Variants in PIWIL4 observed in about 807,000 individuals in gnomAD.
The protein encoded by PIWIL4 is piwi-like protein 4.
PIWIL4 carries 50 observed loss-of-function variants against 100.9 expected under a neutral mutation model. The ratio of observed to expected loss-of-function variants is 0.50; its 90% CI spans 0.39 to 0.63. The LOEUF (loss-of-function observed/expected upper bound fraction) is 0.63. PIWIL4 is among the 20% of genes least tolerant of loss of function. The pLI is 0.00. For synonymous variants in PIWIL4, 342 were observed against 367.5 expected (o/e 0.93, Z 0.79); for missense variants, 887 against 1,043.3 (o/e 0.85, Z 2.06).
chr11:94,607,787 T>G (rs1948740090), intron 14 of PIWIL4, 148 bp downstream of exon 14: 1 of 816,970 alleles, frequency 1.2e-6, no homozygotes, highest in Non-Finnish European at 1.9e-6. Flanking sequence ...CATAAGCCAT[T>G]GTGAATCTCC....
intron 4 of PIWIL4, among the ~76,000 whole-genome samples, chr11:94,578,703 T>C (rs954841011): frequency 6.6e-6 from 1 of 152,214 alleles, no homozygotes; most frequent in African/African-American, 2.4e-5. Flanking sequence ...TCTGACAGGG[T>C]CTCTGTTCAA....
chr11:94,608,440 T>A, intron 14 of PIWIL4, 143 bp from the exon 15 acceptor site: 1 of 630,092 alleles, frequency 1.6e-6, no homozygotes, highest in Non-Finnish European at 2.8e-6. Flanking sequence ...ATAATCTGGC[T>A]CACGGATCTC....
At chr11:94,595,221 A>C (rs1948540525) in intron 9 of PIWIL4, 88 bp from the exon 10 acceptor site, 4 of 1,008,886 alleles carry the variant, frequency 4.0e-6, no homozygotes, top group Non-Finnish European at 6.1e-6. Context: ...TGGTGAATGC[A>C]TTCAAGTGGA....
At chr11:94,616,204 G>A (rs1200556408) in intron 15 of PIWIL4, among the ~76,000 whole-genome samples, 1 of 152,182 alleles carries the variant, frequency 6.6e-6, no homozygotes, top group Non-Finnish European at 1.5e-5. Flanking sequence ...TGGTACAGAT[G>A]AGGAAACTGA....
chr11:94,577,103 C>T (rs1948247808), intron 3 of PIWIL4, among the ~76,000 whole-genome samples, 175 bp from the exon 4 acceptor site: 1 of 152,212 alleles, frequency 6.6e-6, no homozygotes, highest in South Asian at 2.1e-4. Context: ...CCCATTTTAG[C>T]TCCCAAAGGT....
intron 15 of PIWIL4, among the ~76,000 whole-genome samples, chr11:94,611,780 T>C (rs1948789812): frequency 6.6e-6 from 1 of 152,226 alleles, no homozygotes; most frequent in Admixed American, 6.5e-5. Flanking sequence ...CCTTTGCCTT[T>C]CATGATGATT....
At chr11:94,570,688 C>T (rs977083867) in intron 2 of PIWIL4, among the ~76,000 whole-genome samples, 3 of 152,082 alleles carry the variant, frequency 2.0e-5, no homozygotes, top group Admixed American at 6.5e-5. Context: ...GTCAGGAGTT[C>T]GAGACCAGCC....
intron 7 of PIWIL4, among the ~76,000 whole-genome samples, chr11:94,588,802 C>T (rs1049528665): frequency 3.3e-5 from 5 of 152,164 alleles, no homozygotes; most frequent in African/African-American, 1.2e-4. Flanking sequence ...TTGAGCAATG[C>T]TTCAGCCTCT....
Position 94,601,793 on chromosome 11 carries a change from A to T in PIWIL4, c.1381-2A>T. ...TCCTTTCATGATCATTATTTTTCTC[A>T]GTGTCAACCTGTGTCTGCTGCTGAC... On this transcript the variant is annotated splice_acceptor_variant, in intron 11 of 19. Transcript: ENST00000299001. LOFTEE classifies it high-confidence loss of function. The T allele has an allele frequency of 1.2e-6, 2 of 1,611,932 alleles. No individual in the cohort carries two copies. Among genetic ancestry groups the T allele is most frequent in the Non-Finnish European group, 1.7e-6 (2 of 1,179,150 alleles).
chr11:94,567,694 C>G lies in PIWIL4; in HGVS notation c.87+89C>G. ...TGCCTTCCTCTGCATGTATCTCCTC[C>G]TCTCTGTTACGAAGTAGTGCGTTAT... On this transcript the variant is annotated intron_variant, in intron 1 of 19. Transcript: ENST00000299001. 2.2e-6 allele frequency: 3 copies of G among 1,375,004 alleles called. No homozygotes were observed. The South Asian group carries it at 5.4e-5, about 25-fold the overall frequency. The allele number at this position is 1,375,004 out of a possible 1,614,324, so 85.2% of individuals were successfully genotyped here. A position where few individuals can be genotyped will look rare whatever the true frequency, so the allele number is the denominator to read the frequency against.
At chr11:94,601,291 T>C (rs1423265282) in intron 11 of PIWIL4, among the ~76,000 whole-genome samples, 2 of 152,188 alleles carry the variant, frequency 1.3e-5, no homozygotes, top group Non-Finnish European at 2.9e-5. Context: ...CTGCCATGGC[T>C]TCAGCCAGTC....
intron 17 of PIWIL4, 126 bp downstream of exon 17, chr11:94,618,233 T>C: frequency 2.1e-6 from 2 of 937,664 alleles, no homozygotes; most frequent in Non-Finnish European, 3.1e-6. Context: ...TGTTTCTGTA[T>C]CATGCCAGTA....
chr11:94,593,468 T>A, intron 8 of PIWIL4, 50 bp from the exon 9 acceptor site: 1 of 1,580,120 alleles, frequency 6.3e-7, no homozygotes, highest in East Asian at 2.3e-5. Flanking sequence ...GATGCTCACC[T>A]GGCGGTGCTT....
At chr11:94,589,304 A>G in intron 8 of PIWIL4, 72 bp downstream of exon 8, 1 of 1,320,200 alleles carries the variant, frequency 7.6e-7, no homozygotes, top group Non-Finnish European at 1.1e-6. Flanking sequence ...TCCAAGTCTC[A>G]GAGGTCCCCC....
At position 94,595,349 on chromosome 11, in the gene PIWIL4, G is replaced by A. The variant is rs140982729; in HGVS notation, c.1191G>A (p.Lys397=). 1 of 1,614,076 alleles carries A rather than the reference G, an allele frequency of 6.2e-7. No homozygotes were observed. Among genetic ancestry groups the A allele is most frequent in the Non-Finnish European group, 8.5e-7 (1 of 1,179,920 alleles). ...CAACATCTGATTTCCAGCTGATGAA[G>A]GCTGTGGCTGAAAAGACACGTCTCA... is the stretch of plus-strand genomic sequence containing the variant. ...DQATSDFQLM[K]AVAEKTRLSP... Residue 397 remains lysine (K), a synonymous_variant, in exon 10 of 20, where the codon AAG becomes AAA. Coordinates refer to ENST00000299001, the MANE Select transcript of PIWIL4 (RefSeq NM_152431.3).
rs898708022 is a variant in PIWIL4 at position 94,604,033 on chromosome 11, T to C, written c.1615T>C (p.Tyr539His). 3.7e-6 allele frequency: 6 copies of C among 1,606,212 alleles called. No individual in the cohort carries two copies. Among genetic ancestry groups the C allele is most frequent in the Non-Finnish European group, 5.1e-6 (6 of 1,175,236 alleles). Residue 539 changes from tyrosine to histidine, a missense_variant, in exon 13 of 20, where the codon TAT becomes CAT. By Grantham distance (83) the Tyr-to-His change is moderately conservative. Coordinates refer to ENST00000299001, the MANE Select transcript of PIWIL4 (RefSeq NM_152431.3). ...TGCATTTGTTAGAGCTATACAGCAA[T>C]ATGTTGATCCTGATGTTCAGCTGGT... is the stretch of plus-strand genomic sequence containing the variant. ...PAAFVRAIQQ[Y>H]VDPDVQLVMC...
chr11:94,589,896 T>G (rs574484253), intron 8 of PIWIL4, among the ~76,000 whole-genome samples: 1 of 152,166 alleles, frequency 6.6e-6, no homozygotes, highest in Non-Finnish European at 1.5e-5. Flanking sequence ...TTCCCAGGAC[T>G]AGCTCAGTGC....
intron 2 of PIWIL4, among the ~76,000 whole-genome samples, chr11:94,572,510 T>C (rs1292294608): frequency 6.6e-6 from 1 of 152,240 alleles, no homozygotes; most frequent in Non-Finnish European, 1.5e-5. Context: ...TACATATGGC[T>C]AGCCAGTTTT....
intron 11 of PIWIL4, among the ~76,000 whole-genome samples, chr11:94,601,089 A>G (rs1194672541): frequency 6.6e-6 from 1 of 151,170 alleles, no homozygotes; most frequent in Non-Finnish European, 1.5e-5. Context: ...TTACGAGATG[A>G]AAGGATTAAG....
Sources: allele counts gnomAD v4.1 joint callset (sites outside exome capture counted in the v4.1 genomes callset), GRCh38; gene constraint gnomAD v4.1.1; transcripts MANE v1.5; gene names NCBI Gene and HGNC (gene_info 2026-07-23, HGNC 2026-07-21).